Variants in CRMP1 observed in about 807,000 individuals in gnomAD.
CRMP1 encodes dihydropyrimidinase-related protein 1.
In CRMP1, 19 loss-of-function variants were observed where a neutral mutation model predicts 68.3. The observed-to-expected ratio is 0.28, with a 90% CI of 0.19 to 0.41. CRMP1 has a LOEUF of 0.41. CRMP1 is among the 10% of genes least tolerant of loss of function. The probability of loss-of-function intolerance (pLI) is 1.00; values close to 1 mark genes in which losing one functional copy is unlikely to be tolerated. For synonymous variants in CRMP1, 439 were observed against 399.6 expected, an observed-to-expected ratio of 1.10 and a Z score of -1.18; for missense variants, 791 against 967.4, an observed-to-expected ratio of 0.82 and a Z score of 2.42.
intron 6 of CRMP1, among the ~76,000 whole-genome samples, chr4:5,844,327 C>A (rs1300057747): frequency 8.8e-6 from 1 of 113,528 alleles, no homozygotes; most frequent in African/African-American, 3.4e-5. Flanking sequence ...AGTTACTATT[C>A]TGGAAGGAAA....
Position 5,889,824 on chromosome 4 carries a change from A to G in CRMP1, c.381+2765T>C, listed in dbSNP as rs149710761. The G allele has an allele frequency of 9.3e-4, 1,379 of 1,490,106 alleles. 10 individuals carry two copies. The African/African-American group carries it at 0.016, about 17-fold the overall frequency. The allele number at this position is 1,490,106 out of a possible 1,614,324, so 92.3% of individuals were successfully genotyped here. On this transcript the variant is annotated intron_variant, in intron 1 of 13. Transcript: ENST00000324989. The surrounding 1 kb of genome is among the most constrained non-coding windows in gnomAD (Gnocchi z 4.5). The stretch of plus-strand genomic sequence containing the variant: ...AGGGGCCAGTCCCCTAATCCAGGGC[A>G]GGAGGCCAGAGACACCTGGGCCTTA...
At chr4:5,874,426 G>A (rs566800040) in intron 1 of CRMP1, among the ~76,000 whole-genome samples, 6 of 152,272 alleles carry the variant, frequency 3.9e-5, no homozygotes, top group Admixed American at 6.5e-5. Context: ...TGATCTAACC[G>A]CCAGTATAAT....
intron 11 of CRMP1, among the ~76,000 whole-genome samples, chr4:5,835,561 TA>T (rs1293839926): frequency 6.6e-6 from 1 of 152,238 alleles, no homozygotes; most frequent in African/African-American, 2.4e-5. Context: ...TCCAGCTTGA[TA>T]ATTAAATTGA....
rs73797941 is a variant in CRMP1 at position 5,865,937 on chromosome 4, G to T, written c.470+731C>A. ...AAGGTGGTGTCTGCAAGCCAAGGAAGAACCTCAGGAAGAAGTTCAGGAAGG... is the reference window on the plus strand; with the variant it reads ...AAGGTGGTGTCTGCAAGCCAAGGAATAACCTCAGGAAGAAGTTCAGGAAGG... On this transcript the variant is annotated intron_variant, in intron 2 of 13. Transcript: ENST00000324989. The surrounding 1 kb of genome is among the most constrained non-coding windows in gnomAD (Gnocchi z 4.1). 4.5e-3 allele frequency among the ~76,000 whole-genome samples: 689 copies of T among 152,286 alleles called. 5 individuals carry two copies. The highest frequency in any genetic ancestry group is 0.015 in the African/African-American group (625 of 41,566).
chr4:5,892,326 C>T lies in CRMP1; in HGVS notation c.381+263G>A, dbSNP rs1305782780. On this transcript the variant is annotated intron_variant, in intron 1 of 13. Transcript: ENST00000324989. The surrounding 1 kb of genome is among the most constrained non-coding windows in gnomAD (Gnocchi z 8.6). ...ACTTCCCCTCTCAGAACCTCTCTCCCTTTCTGTAGAAGAGGAGCCGGGACT... is the reference window on the plus strand; with the variant it reads ...ACTTCCCCTCTCAGAACCTCTCTCCTTTTCTGTAGAAGAGGAGCCGGGACT... 2.0e-5 allele frequency among the ~76,000 whole-genome samples: 3 copies of T among 151,980 alleles called. No individual in the cohort carries two copies. The highest frequency in any genetic ancestry group is 3.2e-3 in the Middle Eastern group (1 of 316).
chr4:5,857,167 T>C (rs1713192988), intron 3 of CRMP1, among the ~76,000 whole-genome samples: 1 of 149,190 alleles, frequency 6.7e-6, no homozygotes, highest in African/African-American at 2.5e-5. Context: ...CCATCCACTA[T>C]CATCACCACT....
chr4:5,828,541 G>A lies in CRMP1; in HGVS notation c.1751C>T (p.Pro584Leu), dbSNP rs370759908. Residue 584 changes from proline to leucine, a missense_variant, in exon 12 of 14, where the codon CCG (proline) becomes CTG (leucine). Physicochemically the swap from Pro to Leu is moderately conservative, Grantham distance 98. Coordinates refer to ENST00000324989, the MANE Select transcript of CRMP1 (RefSeq NM_001014809.3). ...NVNKGMGRFI[P>L]RKAFPEHLYQ... Reference sequence around the variant, plus strand: ...CAGGTGCTCCGGGAACGCCTTCCGCGGAATGAAGCGGCCCATGCCCTTGTT... The same window carrying A: ...CAGGTGCTCCGGGAACGCCTTCCGCAGAATGAAGCGGCCCATGCCCTTGTT... The A allele has an allele frequency of 3.8e-5, 62 of 1,614,118 alleles. No homozygotes were observed. Among genetic ancestry groups the A allele is most frequent in the Non-Finnish European group, 4.9e-5 (58 of 1,180,044 alleles).
chr4:5,828,570 G>C lies in CRMP1; in HGVS notation c.1722C>G (p.Asn574Lys). The change falls in exon 12 of 14, where the codon AAC (asparagine) becomes AAG (lysine). Residue 574 changes from asparagine to lysine, a missense_variant. Around this residue, in one of 3 missense-constraint regions of CRMP1, gnomAD observed 594 missense variants for 763.6 expected, o/e 0.78. Coordinates refer to ENST00000324989, the MANE Select transcript of CRMP1 (RefSeq NM_001014809.3). Reference sequence around the variant, plus strand: ...TGAAGCGGCCCATGCCCTTGTTGACGTTGATGTTTCCGTCTTCAAAGACGA... The same window carrying C: ...TGAAGCGGCCCATGCCCTTGTTGACCTTGATGTTTCCGTCTTCAAAGACGA... ...GKIVFEDGNI[N>K]VNKGMGRFIP... 6.2e-7 allele frequency: 1 copy of C among 1,614,202 alleles called. No individual in the cohort carries two copies. The highest frequency in any genetic ancestry group is 8.5e-7 in the Non-Finnish European group (1 of 1,180,026).
chr4:5,851,512 A>T, intron 4 of CRMP1, 43 bp from the exon 5 acceptor site: 3 of 1,571,574 alleles, frequency 1.9e-6, no homozygotes, highest in Non-Finnish European at 2.6e-6. Context: ...TTTAAGAAAA[A>T]ACAGAAGCAT....
At chr4:5,837,636 A>G (rs1268571630) in intron 9 of CRMP1, among the ~76,000 whole-genome samples, 1 of 131,862 alleles carries the variant, frequency 7.6e-6, no homozygotes, top group Non-Finnish European at 1.5e-5. Context: ...CTCAAAAAAT[A>G]AAATAAAATA....
In CRMP1 at chr4:5,870,171, C is replaced by T. The variant is rs191847959; in HGVS notation, c.382-3415G>A. Among the ~76,000 whole-genome samples the T allele has an allele frequency of 6.6e-6, 1 of 152,374 alleles. No homozygotes were observed. Among genetic ancestry groups the T allele is most frequent in the Non-Finnish European group, 1.5e-5 (1 of 68,038 alleles). On this transcript the variant is annotated intron_variant, in intron 1 of 13. Transcript: ENST00000324989. This position sits in a 1 kb window ranked among gnomAD's most constrained non-coding sequence, Gnocchi z 6.0. ...GTTCCTGGCAGTCTTCCTGCTCCTA[C>T]TTGCTTTGGGCCCTGCTTGATGTTA... is the stretch of plus-strand genomic sequence containing the variant.
At chr4:5,851,827 AAG>A (rs1381462176) in intron 4 of CRMP1, among the ~76,000 whole-genome samples, 2 of 146,040 alleles carry the variant, frequency 1.4e-5, no homozygotes, top group African/African-American at 2.6e-5. Flanking sequence ...GAGGAGGAGA[AAG>A]AAGGAGAAGG....
intron 12 of CRMP1, chr4:5,828,211 A>G: frequency 1.0e-6 from 1 of 985,420 alleles, no homozygotes; most frequent in Non-Finnish European, 1.2e-6. Context: ...CGCCCAGAGC[A>G]GCTTGGTAAG....
At position 5,851,654 on chromosome 4, in the gene CRMP1, A is replaced by G. The variant is rs528279391; in HGVS notation, c.821-185T>C. Among the ~76,000 whole-genome samples the G allele has an allele frequency of 2.0e-5, 3 of 152,132 alleles. No individual in the cohort carries two copies. The East Asian group carries it at 5.8e-4, about 30-fold the overall frequency. ...GAAGGTCAAAGGAAGCTTCCAGGGA[A>G]GGTCACACCTAAGCAGAATCTGAAG... On this transcript the variant is annotated intron_variant, in intron 4 of 13. Transcript: ENST00000324989.
rs1714365452 is a variant in CRMP1 at position 5,870,518 on chromosome 4, C to A, written c.382-3762G>T. On this transcript the variant is annotated intron_variant, in intron 1 of 13. Coordinates refer to ENST00000324989, the MANE Select transcript of CRMP1 (RefSeq NM_001014809.3). This position sits in a 1 kb window ranked among gnomAD's most constrained non-coding sequence, Gnocchi z 6.0. ...GCTCCACGGAGGCAACGGACTTTGT[C>A]CGTTTTCTTCACTGCTGTCTCTCCG... 6.6e-6 allele frequency among the ~76,000 whole-genome samples: 1 copy of A among 152,218 alleles called. No individual in the cohort carries two copies. The highest frequency in any genetic ancestry group is 2.4e-5 in the African/African-American group (1 of 41,474).
chr4:5,864,173 G>A (rs115599409), intron 2 of CRMP1, among the ~76,000 whole-genome samples: 2,723 of 152,204 alleles, frequency 0.018, 33 homozygotes, highest in African/African-American at 0.03. Context: ...TGTATACTCC[G>A]GGATTGCGGA....
chr4:5,824,532 A>G, intron 13 of CRMP1: 1 of 984,884 alleles, frequency 1.0e-6, no homozygotes, highest in Non-Finnish European at 1.2e-6. Context: ...TTTGCTAAGC[A>G]TATCGCCTTT....
At chr4:5,835,059 T>C (rs575122652) in intron 11 of CRMP1, among the ~76,000 whole-genome samples, 4 of 144,102 alleles carry the variant, frequency 2.8e-5, no homozygotes, top group African/African-American at 1.2e-4. Flanking sequence ...TTCTCCAGTA[T>C]GTGAGCCCAT....
At chr4:5,836,147 T>A in intron 10 of CRMP1, 62 bp from the exon 11 acceptor site, 3 of 1,333,542 alleles carry the variant, frequency 2.2e-6, no homozygotes, top group Non-Finnish European at 2.9e-6. Context: ...GAGGGGCAGC[T>A]GGGCACAAAT....
Sources: allele counts gnomAD v4.1 joint callset (sites outside exome capture counted in the v4.1 genomes callset), GRCh38; gene constraint gnomAD v4.1.1; regional missense constraint gnomAD v4.1.1; non-coding constraint Gnocchi (gnomAD v3.1); transcripts MANE v1.5; gene names NCBI Gene and HGNC (gene_info 2026-07-23, HGNC 2026-07-21).